The following SH3GL3 variants were observed in gnomAD, a reference collection of about 807,000 sequenced individuals.
The protein encoded by SH3GL3 is endophilin-A3.
In SH3GL3, 33 loss-of-function variants were observed where a neutral mutation model predicts 47.7. The ratio of observed to expected loss-of-function variants is 0.69; its 90% CI spans 0.52 to 0.92. SH3GL3 has a LOEUF of 0.92. SH3GL3 is among the 40% of genes least tolerant of loss of function. The pLI, the probability that SH3GL3 is intolerant of heterozygous loss-of-function variation, is 0.00. For synonymous variants in SH3GL3, 155 were observed against 148.8 expected (o/e 1.04, Z -0.30); for missense variants, 363 against 417.8 (o/e 0.87, Z 1.14).
At chr15:83,533,760 A>G (rs765637911) in intron 1 of SH3GL3, among the ~76,000 whole-genome samples, 4 of 151,988 alleles carry the variant, frequency 2.6e-5, no homozygotes, top group Non-Finnish European at 5.9e-5. Context: ...GGGGCAGGGA[A>G]GTTTCTGTTT....
At chr15:83,515,783 A>C (rs2151639438) in intron 1 of SH3GL3, among the ~76,000 whole-genome samples, 1 of 152,336 alleles carries the variant, frequency 6.6e-6, no homozygotes, top group East Asian at 1.9e-4. Flanking sequence ...AATTAACATC[A>C]CTGAGTTAAT....
intron 1 of SH3GL3, among the ~76,000 whole-genome samples, chr15:83,468,311 T>C (rs1484817913): frequency 6.6e-6 from 1 of 152,250 alleles, no homozygotes; most frequent in Non-Finnish European, 1.5e-5. Context: ...ATGTCATCTG[T>C]GAATAGGGAC....
At chr15:83,508,089 G>T (rs778153041) in intron 1 of SH3GL3, among the ~76,000 whole-genome samples, 1 of 151,560 alleles carries the variant, frequency 6.6e-6, no homozygotes, top group Non-Finnish European at 1.5e-5. Context: ...CTACAGGTGC[G>T]CACCACCACG....
At chr15:83,603,157 G>C (rs914563584) in intron 8 of SH3GL3, among the ~76,000 whole-genome samples, 1 of 151,930 alleles carries the variant, frequency 6.6e-6, no homozygotes, top group Non-Finnish European at 1.5e-5. Context: ...GCACCACCAC[G>C]CCTGGCCAAT....
chr15:83,568,473 G>A (rs1280715049), intron 3 of SH3GL3, 56 bp from the exon 4 acceptor site: 44 of 1,472,824 alleles, frequency 3.0e-5, no homozygotes, highest in Non-Finnish European at 4.0e-5. Context: ...TAAATTCTAT[G>A]TACCTGTCAC....
chr15:83,592,626 C>T (rs1036024816), intron 8 of SH3GL3, among the ~76,000 whole-genome samples: 2 of 152,340 alleles, frequency 1.3e-5, no homozygotes, highest in South Asian at 2.1e-4. Flanking sequence ...TTTTCTCTTT[C>T]CCCATCTACC....
chr15:83,552,149 C>A (rs1446158116), intron 1 of SH3GL3, among the ~76,000 whole-genome samples: 2 of 152,146 alleles, frequency 1.3e-5, no homozygotes, highest in Non-Finnish European at 2.9e-5. Context: ...GTGAGAGTGA[C>A]TGATCTTTGC....
intron 1 of SH3GL3, among the ~76,000 whole-genome samples, chr15:83,535,767 G>A (rs554470237): frequency 1.3e-5 from 2 of 152,288 alleles, no homozygotes; most frequent in South Asian, 4.1e-4. Context: ...CTTTTTAAAA[G>A]GTCACACTCA....
intron 8 of SH3GL3, among the ~76,000 whole-genome samples, chr15:83,607,124 T>G (rs1298649644): frequency 2.0e-5 from 3 of 152,202 alleles, no homozygotes; most frequent in Non-Finnish European, 4.4e-5. Flanking sequence ...AAGACATAAA[T>G]TCTAACTTAG....
At chr15:83,577,127 T>C (rs2059703678) in intron 6 of SH3GL3, among the ~76,000 whole-genome samples, 1 of 151,902 alleles carries the variant, frequency 6.6e-6, no homozygotes, top group Non-Finnish European at 1.5e-5. Flanking sequence ...GCCAGGAGGG[T>C]CTCGATCTCC....
intron 1 of SH3GL3, among the ~76,000 whole-genome samples, chr15:83,523,947 TAAA>T (rs3078535): frequency 0.65 from 85,648 of 131,792 alleles, 27,423 homozygotes; most frequent in East Asian, 0.85. Context: ...TTCAGCAATC[TAAA>T]AAAAAAAAAA....
intron 8 of SH3GL3, among the ~76,000 whole-genome samples, chr15:83,590,055 A>G (rs905913524): frequency 1.3e-5 from 2 of 151,826 alleles, no homozygotes; most frequent in Non-Finnish European, 2.9e-5. Context: ...CTATATTTTA[A>G]TTTGTATTTC....
intron 1 of SH3GL3, among the ~76,000 whole-genome samples, chr15:83,538,955 A>G (rs879658808): frequency 6.6e-6 from 1 of 152,178 alleles, no homozygotes; most frequent in Non-Finnish European, 1.5e-5. Flanking sequence ...AAATAGTTGC[A>G]CCAATGTATA....
At chr15:83,526,392 T>G (rs984385522) in intron 1 of SH3GL3, among the ~76,000 whole-genome samples, 4 of 152,190 alleles carry the variant, frequency 2.6e-5, no homozygotes, top group Non-Finnish European at 5.9e-5. Flanking sequence ...CTATTTGCAA[T>G]AGCAAAGGCA....
chr15:83,472,802 C>G (rs775535457), intron 1 of SH3GL3, among the ~76,000 whole-genome samples: 1 of 152,170 alleles, frequency 6.6e-6, no homozygotes, highest in Non-Finnish European at 1.5e-5. Context: ...TTATGAGACT[C>G]TGGATCTTAA....
chr15:83,485,318 A>G (rs2041545190), intron 1 of SH3GL3, among the ~76,000 whole-genome samples: 1 of 152,156 alleles, frequency 6.6e-6, no homozygotes, highest in South Asian at 2.1e-4. Flanking sequence ...GTTCCTTCAT[A>G]TATTAATGTA....
At chr15:83,487,310 A>T (rs2041649796) in intron 1 of SH3GL3, among the ~76,000 whole-genome samples, 1 of 148,138 alleles carries the variant, frequency 6.8e-6, no homozygotes. Flanking sequence ...GCTTGGCCTG[A>T]TTGTTTCCTC....
At chr15:83,626,999 C>A in the SH3GL3 span, among the ~76,000 whole-genome samples, 1 of 152,174 alleles carries the variant, frequency 6.6e-6, no homozygotes, top group African/African-American at 2.4e-5. Flanking sequence ...TATCAACATT[C>A]CCTCTGTGGC....
At chr15:83,619,884 A>G (rs1160029006), downstream of SH3GL3, among the ~76,000 whole-genome samples, 3 of 152,216 alleles carry the variant, frequency 2.0e-5, no homozygotes, top group East Asian at 5.8e-4. Flanking sequence ...ATGCTGCTTG[A>G]TAGCATTTTA....
Sources: allele counts gnomAD v4.1 joint callset (sites outside exome capture counted in the v4.1 genomes callset), GRCh38; gene constraint gnomAD v4.1.1; transcripts MANE v1.5; gene names NCBI Gene and HGNC (gene_info 2026-07-23, HGNC 2026-07-21).